COPA: variants seen among roughly 807,000 people sequenced by gnomAD.
COPA encodes coatomer subunit alpha.
Under a neutral mutation model 158.7 loss-of-function variants are expected in COPA, and 10 were observed. The ratio of observed to expected loss-of-function variants is 0.06; its 90% confidence interval spans 0.04 to 0.11. The LOEUF is 0.11. COPA is among the 10% of genes least tolerant of loss of function. The pLI is 1.00. For synonymous variants in COPA, 462 were observed against 542.8 expected (o/e 0.85, Z 2.07); for missense variants, 1,065 against 1,536.7 (o/e 0.69, Z 5.13).
In COPA at chr1:160,340,239, G is replaced by T; in HGVS notation, c.96C>A (p.Val32=). The T allele has an allele frequency of 6.2e-7, 1 of 1,613,750 alleles. No homozygotes were observed. The highest frequency in any genetic ancestry group is 1.1e-5 in the South Asian group (1 of 91,064). ...PWILTSLHNG[V]IQLWDYRMCT... is the part of the protein sequence containing the mutation. ...ACATCCGATAGTCCCATAACTGGAT[G>T]ACCCCATTATGTAAACTAGTCAGGA... Residue 32 remains valine, a synonymous_variant, in exon 2 of 33, where the codon GTC becomes GTA. Coordinates refer to ENST00000241704, the MANE Select transcript of COPA (RefSeq NM_004371.4).
chr1:160,304,725 A>G (rs73027697), intron 17 of COPA, among the ~76,000 whole-genome samples: 3,934 of 152,276 alleles, frequency 0.026, 206 homozygotes, highest in African/African-American at 0.091. Context: ...TGGCCTAGCA[A>G]TTCTATTCTG....
In COPA at chr1:160,297,343, T is replaced by C. The variant is rs1257826486; in HGVS notation, c.2263A>G (p.Lys755Glu). 1.9e-6 allele frequency: 3 copies of C among 1,613,912 alleles called. No homozygotes were observed. The East Asian group carries it at 6.7e-5, about 36-fold the overall frequency. ...AAGCTGGCAAGTCTCGGATACTTAC[T>C]CTGTCCACAGTTCTTCAGGATCCGC... ...RVRILKNCGQ[K>E]SLAYLTAATH... Residue 755 changes from lysine to glutamate, a missense_variant and splice_region_variant, in exon 21 of 33, where the codon AAG (lysine) becomes GAG (glutamate). Coordinates refer to ENST00000241704, the MANE Select transcript of COPA (RefSeq NM_004371.4).
intron 9 of COPA, among the ~76,000 whole-genome samples, chr1:160,313,539 T>C (rs1041036085): frequency 5.3e-5 from 8 of 152,002 alleles, no homozygotes; most frequent in Middle Eastern, 3.2e-3. Context: ...CTCAGCCTCC[T>C]GAGTAGCTGG....
At position 160,299,170 on chromosome 1, in the gene COPA, G is replaced by C. The variant is rs1214923127; in HGVS notation, c.1762C>G (p.Arg588Gly). ...TCAGTGGGATCAATGGTGAGTACCC[G>C]GGGACGACACTCCCTGTCTAGGCAG... ...VYCLDRECRPRVLTIDPTEFK... is the reference protein window; with the variant it reads ...VYCLDRECRPGVLTIDPTEFK... The change falls in exon 18 of 33, where the codon CGG becomes GGG. Residue 588 changes from arginine (R) to glycine (G), a missense_variant. Coordinates refer to ENST00000241704, the MANE Select transcript of COPA (RefSeq NM_004371.4). 6.2e-7 allele frequency: 1 copy of C among 1,613,968 alleles called. No homozygotes were observed. Among genetic ancestry groups the C allele is most frequent in the African/African-American group, 1.3e-5 (1 of 74,884 alleles).
rs1175575867 is a variant in COPA at position 160,332,506 on chromosome 1, T to C, written c.438A>G (p.Thr146=). The change falls in exon 6 of 33, where the codon ACA becomes ACG. Residue 146 remains threonine (T), a synonymous_variant. Transcript: ENST00000241704. The part of the protein sequence containing the change: ...HYVMCAQFHP[T]EDLVVSASLD... ...GGCTGGCTGATACTACCAAGTCTTC[T>C]GTGGGGTGGAACTGAGCACACATCA... 1 of 1,613,930 alleles carries C rather than the reference T, an allele frequency of 6.2e-7. No individual in the cohort carries two copies. Among genetic ancestry groups the C allele is most frequent in the Non-Finnish European group, 8.5e-7 (1 of 1,179,996 alleles).
chr1:160,316,465 C>G (rs1009611417), intron 8 of COPA, among the ~76,000 whole-genome samples: 8 of 151,750 alleles, frequency 5.3e-5, no homozygotes, highest in Non-Finnish European at 8.8e-5. Context: ...AATTTAAGAA[C>G]AATTGGCTGG....
Position 160,311,942 on chromosome 1 carries a change from G to T in COPA, c.1002C>A (p.His334Gln), listed in dbSNP as rs752737520. Residue 334 changes from histidine to glutamine, a missense_variant, in exon 11 of 33, where the codon CAC becomes CAA. His to Gln is a conservative substitution (Grantham distance 24, BLOSUM62 0). Around this residue, in one of 2 missense-constraint regions of COPA, gnomAD observed 980 missense variants for 1,357.8 expected, o/e 0.72. Transcript: ENST00000241704. ...GTCGTAAGAATCGGTCCTTGACATA[G>T]TGTAGCATATTGCCATGAACAGCAT... ...PAYAVHGNML[H>Q]YVKDRFLRQL... 1 of 1,614,084 alleles carries T rather than the reference G, an allele frequency of 6.2e-7. No homozygotes were observed. The highest frequency in any genetic ancestry group is 8.5e-7 in the Non-Finnish European group (1 of 1,180,016).
At chr1:160,341,897 G>A (rs1267042396) in intron 1 of COPA, among the ~76,000 whole-genome samples, 1 of 151,792 alleles carries the variant, frequency 6.6e-6, no homozygotes, top group Non-Finnish European at 1.5e-5. Context: ...TTTTCCTTCT[G>A]TACTGCCCAG....
chr1:160,296,316 G>T (rs1658410974), intron 21 of COPA, among the ~76,000 whole-genome samples, 167 bp from the exon 22 acceptor site: 1 of 152,188 alleles, frequency 6.6e-6, no homozygotes, highest in Non-Finnish European at 1.5e-5. Flanking sequence ...AGCTTCTAAT[G>T]GATGGAACAT....
chr1:160,304,530 G>A (rs181203986), intron 17 of COPA, among the ~76,000 whole-genome samples: 81 of 152,026 alleles, frequency 5.3e-4, no homozygotes, highest in Non-Finnish European at 1.3e-4. Context: ...TGGGTGTGGT[G>A]GTGTGTGCCT....
intron 7 of COPA, among the ~76,000 whole-genome samples, chr1:160,324,140 C>T (rs540106683): frequency 6.6e-6 from 1 of 152,088 alleles, no homozygotes; most frequent in Non-Finnish European, 1.5e-5. Flanking sequence ...GGATTACAGG[C>T]GTGAGCCACT....
intron 17 of COPA, among the ~76,000 whole-genome samples, chr1:160,300,808 T>C (rs544914345): frequency 2.0e-5 from 3 of 152,294 alleles, no homozygotes; most frequent in African/African-American, 4.8e-5. Context: ...ATCAGGAATA[T>C]AGTGTTGATT....
Position 160,305,569 on chromosome 1 carries a change from T to G in COPA, c.1531A>C (p.Ile511Leu). The G allele has an allele frequency of 6.2e-7, 1 of 1,613,986 alleles. No homozygotes were observed. Among genetic ancestry groups the G allele is most frequent in the South Asian group, 1.1e-5 (1 of 91,060 alleles). The change falls in exon 17 of 33, where the codon ATT (isoleucine) becomes CTT (leucine). Residue 511 changes from isoleucine to leucine, a missense_variant and splice_region_variant. This residue lies in a region of COPA where 980 missense variants were observed against 1,357.8 expected (regional missense o/e 0.72). Coordinates refer to ENST00000241704, the MANE Select transcript of COPA (RefSeq NM_004371.4). Reference protein sequence around the residue: ...SHVALLAKHAIVICNRKLDAL... With the variant: ...SHVALLAKHALVICNRKLDAL... ...TCCAGTTTGCGGTTACAGATCACAA[T>G]GGCTGTAAGAGGCAAAGGGCATGAG...
intron 17 of COPA, among the ~76,000 whole-genome samples, chr1:160,299,684 T>C (rs748828042): frequency 1.1e-4 from 17 of 152,090 alleles, no homozygotes; most frequent in East Asian, 1.9e-4. Flanking sequence ...AGATTGCAAA[T>C]TGAAGTTTGT....
chr1:160,326,202 A>G (rs75273402), intron 6 of COPA: 5,051 of 154,260 alleles, frequency 0.033, 278 homozygotes, highest in African/African-American at 0.12. Context: ...ATAACTCACT[A>G]TCTTCGGACT....
chr1:160,306,548 G>A, intron 14 of COPA, 55 bp from the exon 15 acceptor site: 1 of 1,597,216 alleles, frequency 6.3e-7, no homozygotes, highest in East Asian at 2.2e-5. Flanking sequence ...AGATGATGAT[G>A]ACAACTGATG....
chr1:160,341,202 C>A (rs1177725552), intron 1 of COPA, among the ~76,000 whole-genome samples: 2 of 152,202 alleles, frequency 1.3e-5, no homozygotes, highest in Non-Finnish European at 2.9e-5. Context: ...CAACTACTAA[C>A]AGTTTGAAGT....
rs1298743903 is a variant in COPA, at chr1:160,332,565, A to G, written c.387-8T>C. On this transcript the variant is annotated splice_region_variant and splice_polypyrimidine_tract_variant and intron_variant, in intron 5 of 32. Transcript: ENST00000241704. ...TTGTGCCCTGTTAACACACTGCAAG[A>G]AAAAAAAAAGACAATACCAAATTAG... 1 of 1,334,820 alleles carries G rather than the reference A, an allele frequency of 7.5e-7. No individual in the cohort carries two copies. The highest frequency in any genetic ancestry group is 2.7e-5 in the East Asian group (1 of 37,236). The allele number at this position is 1,334,820 out of a possible 1,614,324, so 82.7% of individuals were successfully genotyped here. A position where few individuals can be genotyped will look rare whatever the true frequency, so the allele number is the denominator to read the frequency against.
intron 3 of COPA, among the ~76,000 whole-genome samples, chr1:160,335,739 C>T (rs989095555): frequency 6.6e-6 from 1 of 151,556 alleles, no homozygotes; most frequent in Non-Finnish European, 1.5e-5. Context: ...AAAAATTAGC[C>T]AGGCGTGGTG....
Sources: allele counts gnomAD v4.1 joint callset (sites outside exome capture counted in the v4.1 genomes callset), GRCh38; gene constraint gnomAD v4.1.1; regional missense constraint gnomAD v4.1.1; transcripts MANE v1.5; gene names NCBI Gene and HGNC (gene_info 2026-07-23, HGNC 2026-07-21).